The following DNAI4 variants were observed in gnomAD, a reference collection of about 807,000 sequenced individuals.
DNAI4 encodes the protein WD repeat domain 78.
A neutral mutation model predicts 105.8 loss-of-function variants in DNAI4; 85 were observed. The observed-to-expected ratio is 0.80, with a 90% CI of 0.67 to 0.96. DNAI4 has a LOEUF of 0.96. Among genes scored for constraint, DNAI4 ranks in the 40% least tolerant of loss-of-function variants. The pLI is 0.00. For missense variants in DNAI4, 1,014 were observed against 1,005.6 expected, an observed-to-expected ratio of 1.01 and a Z score of -0.11; for synonymous variants, 352 against 331.5, an observed-to-expected ratio of 1.06 and a Z score of -0.67.
chr1:66,827,989 A>G, intron 13 of DNAI4, 79 bp from the exon 14 acceptor site: 2 of 863,010 alleles, frequency 2.3e-6, no homozygotes, highest in Non-Finnish European at 3.5e-6. Flanking sequence ...ATATTTCTGG[A>G]TCTATTAAAA....
chr1:66,833,461 G>C (rs1645911549), intron 13 of DNAI4, 124 bp downstream of exon 13: 1 of 1,111,232 alleles, frequency 9.0e-7, no homozygotes, highest in Non-Finnish European at 1.2e-6. Flanking sequence ...TCTACTTTCT[G>C]TCTCTAATAT....
intron 13 of DNAI4, among the ~76,000 whole-genome samples, chr1:66,830,625 C>A (rs1013466096): frequency 6.6e-6 from 1 of 151,214 alleles, no homozygotes; most frequent in Non-Finnish European, 1.5e-5. Context: ...AAAAAAAATT[C>A]AAAAAAGTAG....
intron 14 of DNAI4, 84 bp downstream of exon 14, chr1:66,827,728 T>C: frequency 1.5e-6 from 1 of 652,590 alleles, no homozygotes; most frequent in Non-Finnish European, 2.4e-6. Context: ...GTAAATTTAT[T>C]GCATATTACA....
intron 13 of DNAI4, among the ~76,000 whole-genome samples, chr1:66,832,513 G>T (rs1412781425): frequency 6.6e-6 from 1 of 152,130 alleles, no homozygotes; most frequent in Non-Finnish European, 1.5e-5. Flanking sequence ...GTTACCAGAG[G>T]CTGGGAAAGG....
chr1:66,833,490 T>C (rs1645912286), intron 13 of DNAI4, 95 bp downstream of exon 13: 1 of 1,393,352 alleles, frequency 7.2e-7, no homozygotes, highest in African/African-American at 1.4e-5. Context: ...CAGTATTCAT[T>C]AACAGGCTAA....
chr1:66,815,888 C>A (rs1042426585), intron 16 of DNAI4, among the ~76,000 whole-genome samples: 6 of 152,188 alleles, frequency 3.9e-5, no homozygotes, highest in African/African-American at 1.4e-4. Context: ...GGTGTTACCC[C>A]TAACCATGAA....
At chr1:66,874,997 C>T (rs1646931590) in intron 4 of DNAI4, 60 bp from the exon 5 acceptor site, 3 of 1,463,906 alleles carry the variant, frequency 2.0e-6, no homozygotes, top group Non-Finnish European at 2.8e-6. Flanking sequence ...TTGCATTTTT[C>T]CTTCTAGTCA....
rs544150779 is a variant in DNAI4 at position 66,821,710 on chromosome 1, TC to T, written c.2496+650del. On this transcript the variant is annotated intron_variant, in intron 16 of 16. Transcript: ENST00000371026. Reference sequence around the variant, plus strand: ...TTTTTATTTAAGTCTTGGTGTTTTTTCATATTGATTTGTGCATATTTTTAAT... The same window carrying T: ...TTTTTATTTAAGTCTTGGTGTTTTTTATATTGATTTGTGCATATTTTTAAT... Among the ~76,000 whole-genome samples the T allele has an allele frequency of 4.7e-3, 717 of 152,276 alleles. 4 individuals carry two copies. The highest frequency in any genetic ancestry group is 0.017 in the Middle Eastern group (5 of 294).
chr1:66,833,268 C>A (rs996275220), intron 13 of DNAI4, among the ~76,000 whole-genome samples: 1 of 152,056 alleles, frequency 6.6e-6, no homozygotes, highest in Non-Finnish European at 1.5e-5. Flanking sequence ...TCACACATGT[C>A]AAGTATATAA....
rs115293619 is a variant in DNAI4 at position 66,870,156 on chromosome 1, G to A, written c.940+1214C>T. On this transcript the variant is annotated intron_variant, in intron 6 of 16. Transcript: ENST00000371026. ...AATAAAGGCAATTAAGAATAAAACC[G>A]GCCATGGCCAGGCGCGGTGGCTCAT... 7.6e-3 allele frequency among the ~76,000 whole-genome samples: 1,151 copies of A among 152,158 alleles called. 14 individuals carry two copies. Among genetic ancestry groups the A allele is most frequent in the African/African-American group, 0.026 (1,098 of 41,516 alleles).
At chr1:66,827,455 A>G (rs1645778750) in intron 14 of DNAI4, among the ~76,000 whole-genome samples, 2 of 152,240 alleles carry the variant, frequency 1.3e-5, no homozygotes, top group African/African-American at 4.8e-5. Context: ...GTGGAAGTTC[A>G]AGGTCAGCCT....
At chr1:66,836,634 A>T (rs997854259) in intron 10 of DNAI4, among the ~76,000 whole-genome samples, 1 of 152,216 alleles carries the variant, frequency 6.6e-6, no homozygotes, top group African/African-American at 2.4e-5. Flanking sequence ...TTAACCACCT[A>T]CATAAAAAAG....
chr1:66,891,475 T>G (rs760677981), intron 3 of DNAI4, among the ~76,000 whole-genome samples: 13 of 152,200 alleles, frequency 8.5e-5, no homozygotes, highest in Non-Finnish European at 1.5e-4. Flanking sequence ...CTTTATTTAT[T>G]TTTTGAAATG....
At chr1:66,896,986 A>C (rs536805474) in intron 2 of DNAI4, among the ~76,000 whole-genome samples, 1 of 152,340 alleles carries the variant, frequency 6.6e-6, no homozygotes, top group African/African-American at 2.4e-5. Flanking sequence ...GTCTAGAAAA[A>C]GGCTGCATTG....
chr1:66,871,362 G>C lies in DNAI4; in HGVS notation c.940+8C>G, dbSNP rs1177305154. On this transcript the variant is annotated splice_region_variant and intron_variant, in intron 6 of 16. Transcript: ENST00000371026. ...TTATAGTTTATCAAGCAGAATGATA[G>C]AAATTACCTTTATCTTCCATTATGA... is the stretch of plus-strand genomic sequence containing the variant. 1 of 1,600,022 alleles carries C rather than the reference G, an allele frequency of 6.2e-7. No individual in the cohort carries two copies. The highest frequency in any genetic ancestry group is 8.5e-7 in the Non-Finnish European group (1 of 1,173,470).
intron 1 of DNAI4, among the ~76,000 whole-genome samples, chr1:66,908,064 C>T (rs1167703365): frequency 6.6e-6 from 1 of 152,074 alleles, no homozygotes; most frequent in African/African-American, 2.4e-5. Flanking sequence ...CTTACCATAC[C>T]TTTCCCTTCA....
chr1:66,871,238 A>C, intron 6 of DNAI4, 132 bp downstream of exon 6: 1 of 660,394 alleles, frequency 1.5e-6, no homozygotes, highest in Non-Finnish European at 2.4e-6. Flanking sequence ...CACAGTGTCC[A>C]ACTACTGTTG....
chr1:66,861,090 C>G (rs774838996), intron 7 of DNAI4, among the ~76,000 whole-genome samples: 1 of 152,022 alleles, frequency 6.6e-6, no homozygotes, highest in Non-Finnish European at 1.5e-5. Flanking sequence ...AGGAACAAGT[C>G]GAAAGGTCTT....
At chr1:66,857,006 T>A (rs1397833331) in intron 7 of DNAI4, among the ~76,000 whole-genome samples, 1 of 151,584 alleles carries the variant, frequency 6.6e-6, no homozygotes, top group Admixed American at 6.6e-5. Context: ...AAACAAAACA[T>A]CATTAGAGAA....
Sources: gnomAD v4.1 joint callset for allele counts (sites outside exome capture counted in the v4.1 genomes callset) on GRCh38, gnomAD v4.1.1 for gene constraint, MANE v1.5 for transcripts, NCBI Gene and HGNC (gene_info 2026-07-23, HGNC 2026-07-21) for gene names.